TSHZ2: variants seen among roughly 807,000 people sequenced by gnomAD.
The protein encoded by TSHZ2 is teashirt homolog 2.
Under a neutral mutation model 74.4 loss-of-function variants are expected in TSHZ2, and 21 were observed. The ratio of observed to expected loss-of-function variants is 0.28; its 90% CI spans 0.20 to 0.41. The LOEUF (loss-of-function observed/expected upper bound fraction) is 0.41. Among genes scored for constraint, TSHZ2 ranks in the 10% least tolerant of loss-of-function variants. The pLI is 1.00. For synonymous variants in TSHZ2, 540 were observed against 515.3 expected (o/e 1.05, Z -0.65); for missense variants, 1,244 against 1,293.5 (o/e 0.96, Z 0.59).
chr20:53,431,320 G>T (rs917920695), intron 2 of TSHZ2, among the ~76,000 whole-genome samples: 2 of 152,118 alleles, frequency 1.3e-5, no homozygotes, highest in Non-Finnish European at 2.9e-5. Context: ...GCCAGATGTG[G>T]TGGCACATGC....
rs1985728126 is a variant in TSHZ2, at chr20:53,469,771, AGGG to A, written c.*9-17372_*9-17370del. On this transcript the variant is annotated intron_variant, in intron 2 of 2. Coordinates refer to ENST00000371497, the MANE Select transcript of TSHZ2 (RefSeq NM_173485.6). ...ACCCAAGAAAGATAGAGAGGGAGGA[AGGG>A]AGGGAGGGAGGGAGGAAGGAAGGAA... 9.3e-5 allele frequency among the ~76,000 whole-genome samples: 3 copies of A among 32,388 alleles called. 1 individual carries two copies. Among genetic ancestry groups the A allele is most frequent in the Non-Finnish European group, 1.7e-4 (3 of 17,310 alleles). The allele number at this position is 32,388 out of a possible 152,430, so 21.2% of individuals were successfully genotyped here.
At chr20:53,467,847 T>C (rs1985607288) in intron 2 of TSHZ2, among the ~76,000 whole-genome samples, 1 of 152,206 alleles carries the variant, frequency 6.6e-6, no homozygotes, top group Non-Finnish European at 1.5e-5. Flanking sequence ...TGAGGATATG[T>C]GTACCAGGCT....
chr20:53,001,218 G>GTGTGTGTGTGTGTGTGTGTGTGTATA (rs1982410931), intron 1 of TSHZ2, among the ~76,000 whole-genome samples: 3 of 145,156 alleles, frequency 2.1e-5, no homozygotes, highest in African/African-American at 7.9e-5. Flanking sequence ...GTGTGTGTGT[G>GTGTGTGTGTGTGTGTGTGTGTGTATA]TGTGTGTGTG....
chr20:53,046,950 G>A (rs555653954), intron 1 of TSHZ2, among the ~76,000 whole-genome samples: 7 of 152,198 alleles, frequency 4.6e-5, no homozygotes, highest in Admixed American at 1.3e-4. Context: ...CCTGTGTATC[G>A]CTCTAAGGAG....
At chr20:53,122,500 A>G (rs1438606801) in intron 1 of TSHZ2, among the ~76,000 whole-genome samples, 2 of 152,032 alleles carry the variant, frequency 1.3e-5, no homozygotes, top group Non-Finnish European at 2.9e-5. Context: ...AGAAGGCTTC[A>G]ATTTTAATCT....
chr20:53,349,362 T>C (rs1235351051), intron 2 of TSHZ2, among the ~76,000 whole-genome samples: 1 of 152,172 alleles, frequency 6.6e-6, no homozygotes, highest in Non-Finnish European at 1.5e-5. Flanking sequence ...TTTCAGTAAT[T>C]GTGTAGTGGC....
At chr20:53,148,162 TTTAA>T (rs1177479413) in intron 1 of TSHZ2, among the ~76,000 whole-genome samples, 2 of 152,220 alleles carry the variant, frequency 1.3e-5, no homozygotes, top group African/African-American at 4.8e-5. Flanking sequence ...CTATTTAGTG[TTTAA>T]TTATCTACGA....
At position 53,113,085 on chromosome 20, in the gene TSHZ2, C is replaced by G. The variant is rs142798700; in HGVS notation, c.40+139752C>G. Among the ~76,000 whole-genome samples the G allele has an allele frequency of 7.2e-4, 109 of 152,294 alleles. 2 individuals are homozygous for G. In the East Asian group the frequency reaches 0.02, roughly 29 times the overall value. ...AGTGAGATTGCATATTTGATAAGCCCTCAGATTCCCTCTTTGCCATGGAGG... is the reference window on the plus strand; with the variant it reads ...AGTGAGATTGCATATTTGATAAGCCGTCAGATTCCCTCTTTGCCATGGAGG... On this transcript the variant is annotated intron_variant, in intron 1 of 2. Coordinates refer to ENST00000371497, the MANE Select transcript of TSHZ2 (RefSeq NM_173485.6).
At chr20:52,996,372 G>A (rs1223467817) in intron 1 of TSHZ2, among the ~76,000 whole-genome samples, 5 of 151,168 alleles carry the variant, frequency 3.3e-5, no homozygotes, top group Non-Finnish European at 5.9e-5. Context: ...TGGGAATTGA[G>A]AAGCCTGAAA....
chr20:53,371,094 A>G (rs1395653501), intron 2 of TSHZ2, among the ~76,000 whole-genome samples: 2 of 152,108 alleles, frequency 1.3e-5, no homozygotes, highest in Non-Finnish European at 2.9e-5. Context: ...CTCTCTTCTT[A>G]TAGGACTGTC....
intron 1 of TSHZ2, among the ~76,000 whole-genome samples, chr20:53,029,810 G>A (rs550461185): frequency 6.6e-6 from 1 of 152,234 alleles, no homozygotes; most frequent in South Asian, 2.1e-4. Context: ...AAAACTCAAA[G>A]TGGGAGGAGC....
At chr20:53,406,266 A>G (rs931353726) in intron 2 of TSHZ2, among the ~76,000 whole-genome samples, 1 of 152,202 alleles carries the variant, frequency 6.6e-6, no homozygotes, top group African/African-American at 2.4e-5. Context: ...CGGTAAAAAG[A>G]TGGCACCATC....
chr20:53,472,233 G>A lies in TSHZ2; in HGVS notation c.*9-14911G>A, dbSNP rs374509381. Among the ~76,000 whole-genome samples, 47 of 152,314 alleles carry A rather than the reference G, an allele frequency of 3.1e-4. No individual in the cohort carries two copies. The East Asian group carries it at 5.2e-3, about 17-fold the overall frequency. On this transcript the variant is annotated intron_variant, in intron 2 of 2. Coordinates refer to ENST00000371497, the MANE Select transcript of TSHZ2 (RefSeq NM_173485.6). The stretch of plus-strand genomic sequence containing the variant: ...AGTGGACTAAAACAGCCCACTGAGC[G>A]AATGCCACAGCCATCCAGGGCAGAT...
intron 1 of TSHZ2, among the ~76,000 whole-genome samples, chr20:53,246,745 A>G (rs533953615): frequency 1.3e-5 from 2 of 152,210 alleles, no homozygotes; most frequent in Non-Finnish European, 2.9e-5. Flanking sequence ...CCTGACTTAA[A>G]CTAGCTTAGC....
In TSHZ2 at chr20:53,042,052, G is replaced by GA. The variant is rs542593949; in HGVS notation, c.40+68729dup. On this transcript the variant is annotated intron_variant, in intron 1 of 2. Coordinates refer to ENST00000371497, the MANE Select transcript of TSHZ2 (RefSeq NM_173485.6). ...ATTGCAGCATATTACCCAAATGTGG[G>GA]AAAAAAAAAACATATGCCCATGACA... is the stretch of plus-strand genomic sequence containing the variant. Among the ~76,000 whole-genome samples, 249 of 147,768 alleles carry GA rather than the reference G, an allele frequency of 1.7e-3. 2 individuals carry two copies. Among genetic ancestry groups the GA allele is most frequent in the Middle Eastern group, 6.9e-3 (2 of 288 alleles).
chr20:53,026,092 G>A (rs1983434188), intron 1 of TSHZ2, among the ~76,000 whole-genome samples: 2 of 152,142 alleles, frequency 1.3e-5, no homozygotes, highest in Admixed American at 1.3e-4. Context: ...CCCTAAGTTA[G>A]TGAAACCAAA....
intron 2 of TSHZ2, among the ~76,000 whole-genome samples, chr20:53,325,769 A>G (rs1979465110): frequency 6.6e-6 from 1 of 151,976 alleles, no homozygotes; most frequent in Admixed American, 6.6e-5. Context: ...CGGCTACTTT[A>G]GTATCTTTTT....
intron 2 of TSHZ2, among the ~76,000 whole-genome samples, chr20:53,275,553 CCT>C (rs1341443886): frequency 6.6e-6 from 1 of 152,082 alleles, no homozygotes; most frequent in Non-Finnish European, 1.5e-5. Context: ...GCACAAGCCC[CCT>C]GTGTGCTGTA....
At chr20:53,173,250 A>G (rs897539764) in intron 1 of TSHZ2, among the ~76,000 whole-genome samples, 9 of 152,254 alleles carry the variant, frequency 5.9e-5, no homozygotes, top group African/African-American at 2.2e-4. Context: ...GTCCATCCAT[A>G]AAGGATTGGC....
Sources: allele counts gnomAD v4.1 joint callset (sites outside exome capture counted in the v4.1 genomes callset), GRCh38; gene constraint gnomAD v4.1.1; transcripts MANE v1.5; gene names NCBI Gene and HGNC (gene_info 2026-07-23, HGNC 2026-07-21).